The following RDX variants were observed in gnomAD, a reference collection of about 807,000 sequenced individuals.
The protein encoded by RDX is radixin.
RDX carries 32 observed loss-of-function variants against 83.7 expected under a neutral mutation model. The ratio of observed to expected loss-of-function variants is 0.38; its 90% confidence interval spans 0.29 to 0.51. The LOEUF (loss-of-function observed/expected upper bound fraction) is 0.51. RDX is among the 20% of genes least tolerant of loss of function. The probability of loss-of-function intolerance (pLI) is 0.87; values close to 1 mark genes in which losing one functional copy is unlikely to be tolerated. For missense variants in RDX, 600 were observed against 689.9 expected (o/e 0.87, Z 1.46); for synonymous variants, 229 against 222.7 (o/e 1.03, Z -0.25).
At chr11:110,285,277 G>A (rs1378926509) in intron 1 of RDX, among the ~76,000 whole-genome samples, 6 of 151,936 alleles carry the variant, frequency 3.9e-5, no homozygotes, top group Non-Finnish European at 7.4e-5. Flanking sequence ...CTCAGCTACT[G>A]GGGAGGCTGA....
At chr11:110,240,518 C>T (rs532509474) in intron 10 of RDX, among the ~76,000 whole-genome samples, 30 of 151,558 alleles carry the variant, frequency 2.0e-4, no homozygotes, top group East Asian at 5.8e-4. Flanking sequence ...CCGAGGCGGG[C>T]GGATCACGAG....
chr11:110,199,568 C>G, intron 15 of RDX: 2 of 702,932 alleles, frequency 2.8e-6, no homozygotes, highest in South Asian at 3.0e-5. Flanking sequence ...CCACGGCTGC[C>G]AGTTGTACTT....
chr11:110,255,465 A>C, intron 7 of RDX, 80 bp from the exon 8 acceptor site: 1 of 775,162 alleles, frequency 1.3e-6, no homozygotes. Context: ...AACTGACTGA[A>C]TGACCAATCT....
At chr11:110,286,447 G>A (rs892631311) in intron 1 of RDX, among the ~76,000 whole-genome samples, 16 of 152,164 alleles carry the variant, frequency 1.1e-4, no homozygotes, top group African/African-American at 3.6e-4. Context: ...TAATGCAATG[G>A]AAAAATAGCC....
At chr11:110,217,232 A>C (rs1015549480) in intron 14 of RDX, among the ~76,000 whole-genome samples, 1 of 152,194 alleles carries the variant, frequency 6.6e-6, no homozygotes, top group African/African-American at 2.4e-5. Context: ...TCATAGTTGT[A>C]AGTGGATATA....
At chr11:110,201,901 TTTTGTGTGTGTGTGTGTGTGTGTGTGTG>T (rs756001542) in intron 14 of RDX, among the ~76,000 whole-genome samples, 10 of 115,544 alleles carry the variant, frequency 8.7e-5, no homozygotes, top group African/African-American at 2.8e-4. Context: ...ATCCGGCTAA[TTTTGTGTGTGTGTGTGTGTGTGTGTGTG>T]TGTGTGTGTG....
At chr11:110,275,188 A>G (rs182895291) in intron 2 of RDX, among the ~76,000 whole-genome samples, 301 of 152,330 alleles carry the variant, frequency 2.0e-3, no homozygotes, top group African/African-American at 7.0e-3. Flanking sequence ...GCATGTGCAT[A>G]CAGAATTTTA....
intron 14 of RDX, among the ~76,000 whole-genome samples, chr11:110,212,101 GA>G (rs1565293886): frequency 7.2e-6 from 1 of 139,568 alleles, no homozygotes; most frequent in Non-Finnish European, 1.6e-5. Context: ...GACTAATAAA[GA>G]AAAAAAGAGA....
chr11:110,249,058 T>A (rs1859223534), intron 9 of RDX, among the ~76,000 whole-genome samples: 1 of 152,106 alleles, frequency 6.6e-6, no homozygotes, highest in Admixed American at 6.6e-5. Context: ...TCACCAAACA[T>A]CTACCAAGAG....
At chr11:110,211,996 G>A (rs1178732634) in intron 14 of RDX, among the ~76,000 whole-genome samples, 1 of 141,766 alleles carries the variant, frequency 7.1e-6, no homozygotes, top group Non-Finnish European at 1.5e-5. Context: ...GAGCAGAACT[G>A]AAGGAAATAG....
chr11:110,286,893 TAAGAA>T (rs1861003652), intron 1 of RDX: 1 of 152,166 alleles, frequency 6.6e-6, no homozygotes, highest in African/African-American at 2.4e-5. Flanking sequence ...GAACTCTTTC[TAAGAA>T]AAGTATTTTT....
At chr11:110,205,285 G>C (rs989343362) in intron 14 of RDX, among the ~76,000 whole-genome samples, 2 of 152,046 alleles carry the variant, frequency 1.3e-5, no homozygotes, top group African/African-American at 4.8e-5. Context: ...CAAACTTTTA[G>C]ATGAAAATAT....
Position 110,231,477 on chromosome 11 carries a change from T to A in RDX, c.*392A>T. 1 of 239,668 alleles carries A rather than the reference T, an allele frequency of 4.2e-6. No individual in the cohort carries two copies. Among genetic ancestry groups the A allele is most frequent in the Non-Finnish European group, 8.2e-6 (1 of 121,248 alleles). 14.8% of individuals were successfully genotyped at this position (239,668 alleles called of 1,614,324 possible). A position where few individuals can be genotyped will look rare whatever the true frequency, so the allele number is the denominator to read the frequency against. On this transcript the variant is annotated 3_prime_UTR_variant, in exon 14 of 14. Transcript: ENST00000645495. ...GAGTGAGAGAGAATGTGGAAATAGGTTAAATATGGAAAGGGCAAGGGAAAC... is the reference window on the plus strand; with the variant it reads ...GAGTGAGAGAGAATGTGGAAATAGGATAAATATGGAAAGGGCAAGGGAAAC...
chr11:110,238,985 T>G (rs1864972261), intron 10 of RDX, among the ~76,000 whole-genome samples: 1 of 149,614 alleles, frequency 6.7e-6, no homozygotes. Context: ...TGGAGAAGAA[T>G]GACTCTTTGG....
At chr11:110,187,588 T>C (rs751610301) in intron 15 of RDX, among the ~76,000 whole-genome samples, 13 of 152,320 alleles carry the variant, frequency 8.5e-5, no homozygotes, top group East Asian at 1.9e-4. Context: ...TGCAGAGAAC[T>C]TGGAGCTGAG....
At chr11:110,279,655 T>G in intron 2 of RDX, 26 bp downstream of exon 2, 1 of 1,445,034 alleles carries the variant, frequency 6.9e-7, no homozygotes, top group Non-Finnish European at 9.7e-7. Flanking sequence ...ATTGAGACAC[T>G]GTCAAATGTA....
intron 15 of RDX, among the ~76,000 whole-genome samples, chr11:110,187,244 A>G (rs968086687): frequency 2.6e-5 from 4 of 152,098 alleles, no homozygotes; most frequent in African/African-American, 9.7e-5. Context: ...AGTCTTCCTG[A>G]GTGAGTCCTT....
chr11:110,267,092 T>C (rs796225145), intron 3 of RDX, among the ~76,000 whole-genome samples: 5 of 152,100 alleles, frequency 3.3e-5, no homozygotes, highest in African/African-American at 9.6e-5. Flanking sequence ...TTAGTAGAGA[T>C]AGGGTCTCAC....
intron 14 of RDX, among the ~76,000 whole-genome samples, chr11:110,201,507 T>C (rs186907957): frequency 6.6e-6 from 1 of 150,956 alleles, no homozygotes; most frequent in African/African-American, 2.4e-5. Flanking sequence ...ATTTCCAAGC[T>C]TTGCCACCAG....
Sources: allele counts gnomAD v4.1 joint callset (sites outside exome capture counted in the v4.1 genomes callset), GRCh38; gene constraint gnomAD v4.1.1; transcripts MANE v1.5; gene names NCBI Gene and HGNC (gene_info 2026-07-23, HGNC 2026-07-21).